NEK10: variants seen among roughly 807,000 people sequenced by gnomAD.
NEK10 encodes NIMA related kinase 10.
Under a neutral mutation model 159.8 loss-of-function variants are expected in NEK10, and 122 were observed. The observed-to-expected ratio is 0.76, with a 90% CI of 0.66 to 0.89. The LOEUF (loss-of-function observed/expected upper bound fraction) is 0.89, where lower values mean the gene tolerates loss of function less well. NEK10 is among the 40% of genes least tolerant of loss of function. The pLI, the probability that NEK10 is intolerant of heterozygous loss-of-function variation, is 0.00. For missense variants in NEK10, 1,342 were observed against 1,323.1 expected, an observed-to-expected ratio of 1.01 and a Z score of -0.22; for synonymous variants, 466 against 457.1, an observed-to-expected ratio of 1.02 and a Z score of -0.25.
chr3:27,139,179 T>C (rs898241018), intron 31 of NEK10, among the ~76,000 whole-genome samples: 8 of 152,090 alleles, frequency 5.3e-5, no homozygotes, highest in African/African-American at 1.9e-4. Context: ...AAAAAAGAAT[T>C]CTAAAACTTG....
Position 27,251,316 on chromosome 3 carries a change from C to T in NEK10, c.2090+4980G>A, listed in dbSNP as rs549529908. Among the ~76,000 whole-genome samples, 175 of 152,276 alleles carry T rather than the reference C, an allele frequency of 1.1e-3. 1 individual carries two copies. The highest frequency in any genetic ancestry group is 3.5e-3 in the African/African-American group (147 of 41,546). ...TTTTTGAAAATCCCTGCCCAAATCTCATATTGAATTGTTATTCCCAGTGTT... is the reference window on the plus strand; with the variant it reads ...TTTTTGAAAATCCCTGCCCAAATCTTATATTGAATTGTTATTCCCAGTGTT... On this transcript the variant is annotated intron_variant, in intron 23 of 35. Coordinates refer to ENST00000691995, the MANE Select transcript of NEK10 (RefSeq NM_001394966.1).
chr3:27,237,252 A>G (rs1026114137), intron 23 of NEK10, among the ~76,000 whole-genome samples: 3 of 152,150 alleles, frequency 2.0e-5, no homozygotes, highest in African/African-American at 7.2e-5. Context: ...CATATTGTTC[A>G]AACATGCATG....
intron 30 of NEK10, among the ~76,000 whole-genome samples, chr3:27,146,970 G>A (rs993407496): frequency 1.3e-5 from 2 of 152,206 alleles, no homozygotes; most frequent in Non-Finnish European, 2.9e-5. Context: ...GAGGTAGCCA[G>A]GGACCATACA....
chr3:27,287,598 TA>T lies in NEK10; in HGVS notation c.1789+99del, dbSNP rs1326896585. On this transcript the variant is annotated intron_variant, in intron 20 of 35. Coordinates refer to ENST00000691995, the MANE Select transcript of NEK10 (RefSeq NM_001394966.1). ...TGTCATATTAACAAAAAAAGGTCAATAAAATAGTTGATTAGGTTTCTTTTGT... is the reference window on the plus strand; with the variant it reads ...TGTCATATTAACAAAAAAAGGTCAATAAATAGTTGATTAGGTTTCTTTTGT... The T allele has an allele frequency of 2.3e-6, 3 of 1,309,920 alleles. No individual in the cohort carries two copies. The African/African-American group carries it at 4.6e-5, about 20-fold the overall frequency. The allele number at this position is 1,309,920 out of a possible 1,614,324, so 81.1% of individuals were successfully genotyped here.
chr3:27,162,004 C>CAA (rs1361962129), intron 30 of NEK10, among the ~76,000 whole-genome samples: 51 of 117,588 alleles, frequency 4.3e-4, no homozygotes, highest in African/African-American at 1.3e-3. Flanking sequence ...GATTCTGTCT[C>CAA]AAAAAAAAAA....
intron 7 of NEK10, 39 bp from the exon 8 acceptor site, chr3:27,312,216 C>A: frequency 2.3e-6 from 3 of 1,287,460 alleles, no homozygotes; most frequent in Non-Finnish European, 3.3e-6. Context: ...GTCAGGACAC[C>A]AAAAGCACCC....
chr3:27,233,136 A>G (rs1160460338), intron 23 of NEK10, among the ~76,000 whole-genome samples: 3 of 152,154 alleles, frequency 2.0e-5, no homozygotes, highest in Non-Finnish European at 4.4e-5. Context: ...TTCACAAACT[A>G]TACATCCAAC....
chr3:27,206,676 A>C (rs1207855302), intron 23 of NEK10: 5 of 967,762 alleles, frequency 5.2e-6, no homozygotes, highest in Non-Finnish European at 6.1e-6. Flanking sequence ...AAGTGCGCAC[A>C]GAGATGAAGG....
At chr3:27,128,410 C>T (rs1324799547) in intron 32 of NEK10, among the ~76,000 whole-genome samples, 1 of 152,140 alleles carries the variant, frequency 6.6e-6, no homozygotes. Flanking sequence ...TATCTAGGTG[C>T]TATCATTTAA....
chr3:27,212,831 TA>T (rs751122374), intron 23 of NEK10, among the ~76,000 whole-genome samples: 1 of 151,968 alleles, frequency 6.6e-6, no homozygotes. Context: ...ACACAGGGAG[TA>T]ACTTTATCGT....
chr3:27,143,459 G>A (rs1401909880), intron 30 of NEK10: 1 of 762,226 alleles, frequency 1.3e-6, no homozygotes, highest in Admixed American at 1.7e-5. Context: ...CCACAAGAAT[G>A]TGCCCATCTG....
rs1291843515 is a variant in NEK10 at position 27,110,471 on chromosome 3, C to T, written c.*801G>A. ...ATCTTTTTCATAGATTCTATAAACTCTTCAAAGTGCTCTAAAAATACTATA... is the reference window on the plus strand; with the variant it reads ...ATCTTTTTCATAGATTCTATAAACTTTTCAAAGTGCTCTAAAAATACTATA... On this transcript the variant is annotated 3_prime_UTR_variant, in exon 36 of 36. Coordinates refer to ENST00000691995, the MANE Select transcript of NEK10 (RefSeq NM_001394966.1). 1.3e-5 allele frequency: 2 copies of T among 152,140 alleles called. No individual in the cohort carries two copies. Among genetic ancestry groups the T allele is most frequent in the East Asian group, 3.8e-4 (2 of 5,202 alleles). 9.4% of individuals were successfully genotyped at this position (152,140 alleles called of 1,614,324 possible). A position where few individuals can be genotyped will look rare whatever the true frequency, so the allele number is the denominator to read the frequency against.
chr3:27,197,337 G>A (rs764748838), intron 25 of NEK10, among the ~76,000 whole-genome samples: 22 of 151,840 alleles, frequency 1.4e-4, no homozygotes, highest in Admixed American at 3.3e-4. Flanking sequence ...CACCAGGCCT[G>A]GCTAATTTTT....
At chr3:27,317,963 C>T (rs113485847) in intron 6 of NEK10, among the ~76,000 whole-genome samples, 224 of 152,180 alleles carry the variant, frequency 1.5e-3, no homozygotes, top group African/African-American at 5.1e-3. Context: ...CCACCACGCC[C>T]GGCTAATTTT....
At chr3:27,146,859 G>C (rs1944346506) in intron 30 of NEK10, among the ~76,000 whole-genome samples, 1 of 152,218 alleles carries the variant, frequency 6.6e-6, no homozygotes, top group African/African-American at 2.4e-5. Context: ...CCAGCAAAGA[G>C]TGAAGTCAGC....
At position 27,291,250 on chromosome 3, in the gene NEK10, G is replaced by T; in HGVS notation, c.1605+12C>A. The T allele has an allele frequency of 6.2e-7, 1 of 1,608,746 alleles. No individual in the cohort carries two copies. The highest frequency in any genetic ancestry group is 1.1e-5 in the South Asian group (1 of 89,480). ...TGGGAGTATCAGAAATGTTCCCCAA[G>T]GGGAAAGTCACCTTGTAAACACAGC... On this transcript the variant is annotated intron_variant, in intron 18 of 35. Coordinates refer to ENST00000691995, the MANE Select transcript of NEK10 (RefSeq NM_001394966.1).
chr3:27,294,537 G>A (rs1452161387), intron 15 of NEK10, among the ~76,000 whole-genome samples: 1 of 152,180 alleles, frequency 6.6e-6, no homozygotes, highest in Middle Eastern at 3.2e-3. Flanking sequence ...TGTCTCTGCA[G>A]GATGGGTTTG....
chr3:27,239,511 A>C (rs1440005928), intron 23 of NEK10, among the ~76,000 whole-genome samples: 6 of 152,168 alleles, frequency 3.9e-5, no homozygotes, highest in East Asian at 3.9e-4. Flanking sequence ...ATCAGTCCTG[A>C]AGTAAATAAA....
At chr3:27,125,785 G>A (rs1941872108) in intron 32 of NEK10, among the ~76,000 whole-genome samples, 1 of 152,132 alleles carries the variant, frequency 6.6e-6, no homozygotes, top group African/African-American at 2.4e-5. Flanking sequence ...AAGTATTCCT[G>A]TTGCTGTGGT....
Sources: allele counts gnomAD v4.1 joint callset (sites outside exome capture counted in the v4.1 genomes callset), GRCh38; gene constraint gnomAD v4.1.1; transcripts MANE v1.5; gene names NCBI Gene and HGNC (gene_info 2026-07-23, HGNC 2026-07-21).